DENND5A: variants seen among roughly 807,000 people sequenced by gnomAD.
DENND5A encodes the protein DENN domain containing 5A, also known as DENN domain-containing protein 5A.
DENND5A carries 64 observed loss-of-function variants against 140.3 expected under a neutral mutation model. That is an observed-to-expected ratio of 0.46 (90% CI 0.37 to 0.56). The LOEUF (loss-of-function observed/expected upper bound fraction) is 0.56. DENND5A is among the 20% of genes least tolerant of loss of function. DENND5A has a pLI of 0.00. For synonymous variants in DENND5A, 605 were observed against 607.7 expected (o/e 1.00, Z 0.07); for missense variants, 1,292 against 1,593.8 (o/e 0.81, Z 3.22).
intron 5 of DENND5A, among the ~76,000 whole-genome samples, chr11:9,186,992 G>A (rs933467797): frequency 3.9e-5 from 6 of 152,140 alleles, no homozygotes; most frequent in Non-Finnish European, 5.9e-5. Context: ...ACTGAGGCAG[G>A]AAAATTGCTT....
intron 4 of DENND5A, among the ~76,000 whole-genome samples, chr11:9,203,246 C>A (rs775639138): frequency 2.6e-5 from 4 of 152,218 alleles, no homozygotes; most frequent in Non-Finnish European, 5.9e-5. Flanking sequence ...AGATGCAACA[C>A]ATCCACATTT....
At chr11:9,229,945 C>A (rs1176376917) in intron 1 of DENND5A, among the ~76,000 whole-genome samples, 1 of 136,460 alleles carries the variant, frequency 7.3e-6, no homozygotes, top group Non-Finnish European at 1.5e-5. Flanking sequence ...TGCTCTGTCA[C>A]CCAGGCTAGA....
chr11:9,234,878 ATC>A (rs972956918), intron 1 of DENND5A, among the ~76,000 whole-genome samples: 2 of 152,044 alleles, frequency 1.3e-5, no homozygotes, highest in Admixed American at 1.3e-4. Flanking sequence ...GCGCGGGTAA[ATC>A]TCTGTTCAAG....
intron 4 of DENND5A, among the ~76,000 whole-genome samples, chr11:9,199,631 C>T (rs965732367): frequency 6.6e-6 from 1 of 152,148 alleles, no homozygotes; most frequent in African/African-American, 2.4e-5. Flanking sequence ...GAAAACACTG[C>T]TTAAAACTGC....
chr11:9,255,104 A>G (rs1388994147), intron 1 of DENND5A, among the ~76,000 whole-genome samples: 1 of 146,674 alleles, frequency 6.8e-6, no homozygotes, highest in Non-Finnish European at 1.5e-5. Context: ...TAAAATAATA[A>G]AAATAAAAAT....
chr11:9,162,908 T>G (rs868789274), intron 11 of DENND5A, among the ~76,000 whole-genome samples: 2 of 151,386 alleles, frequency 1.3e-5, no homozygotes, highest in Non-Finnish European at 2.9e-5. Flanking sequence ...CTCAGCATGT[T>G]GCCCTGGCTG....
intron 5 of DENND5A, among the ~76,000 whole-genome samples, chr11:9,189,717 T>G (rs534919245): frequency 4.9e-4 from 74 of 151,706 alleles, no homozygotes; most frequent in African/African-American, 1.6e-3. Context: ...CTCAGCTCAC[T>G]GCAACCTCCA....
Position 9,188,048 on chromosome 11 carries a change from T to C in DENND5A, c.1137+5446A>G, listed in dbSNP as rs149309830. Among the ~76,000 whole-genome samples, 342 of 152,184 alleles carry C rather than the reference T, an allele frequency of 2.2e-3. 1 individual carries two copies. Among genetic ancestry groups the C allele is most frequent in the African/African-American group, 7.9e-3 (328 of 41,496 alleles). ...TAAATTTCCCCAGCCCTGCCGGATA[T>C]GGTTTGGCTGTGTCCCCACCCAAAT... On this transcript the variant is annotated intron_variant, in intron 5 of 22. Coordinates refer to ENST00000328194, the MANE Select transcript of DENND5A (RefSeq NM_015213.4).
intron 1 of DENND5A, among the ~76,000 whole-genome samples, chr11:9,245,981 A>C (rs1851454296): frequency 6.6e-6 from 1 of 152,154 alleles, no homozygotes; most frequent in Non-Finnish European, 1.5e-5. Flanking sequence ...CACCTACTAC[A>C]TAAAGTACGT....
chr11:9,229,284 A>G (rs1850663047), intron 1 of DENND5A, among the ~76,000 whole-genome samples: 1 of 152,110 alleles, frequency 6.6e-6, no homozygotes, highest in Admixed American at 6.6e-5. Flanking sequence ...GACCTTGGCC[A>G]AGTTACAAAT....
intron 5 of DENND5A, among the ~76,000 whole-genome samples, chr11:9,191,768 G>C (rs1180508994): frequency 6.6e-6 from 1 of 152,192 alleles, no homozygotes; most frequent in Non-Finnish European, 1.5e-5. Context: ...ATGTATTAAA[G>C]TATGCACATA....
At chr11:9,232,056 C>G (rs1483501540) in intron 1 of DENND5A, among the ~76,000 whole-genome samples, 1 of 151,754 alleles carries the variant, frequency 6.6e-6, no homozygotes, top group Non-Finnish European at 1.5e-5. Flanking sequence ...TTTTTTCAGG[C>G]AGTACAGAGT....
At chr11:9,212,062 A>G (rs1339935489) in intron 1 of DENND5A, among the ~76,000 whole-genome samples, 1 of 152,172 alleles carries the variant, frequency 6.6e-6, no homozygotes, top group Non-Finnish European at 1.5e-5. Flanking sequence ...TTATCCAATC[A>G]GAAATACAGA....
chr11:9,180,908 C>T lies in DENND5A; in HGVS notation c.1314G>A (p.Leu438=). ...TGTCCGAGACAAGCTCAGAGGCCCG[C>T]AGCCTCTTCAGCTTGGAGGCACTCT... The part of the protein sequence containing the change: ...CSESASKLKR[L]RASELVSDKR... Residue 438 remains leucine, a synonymous_variant, in exon 6 of 23, where the codon CTG becomes CTA. Coordinates refer to ENST00000328194, the MANE Select transcript of DENND5A (RefSeq NM_015213.4). The T allele has an allele frequency of 6.2e-7, 1 of 1,614,208 alleles. No homozygotes were observed. Among genetic ancestry groups the T allele is most frequent in the South Asian group, 1.1e-5 (1 of 91,084 alleles).
chr11:9,251,112 G>A (rs1414218821), intron 1 of DENND5A, among the ~76,000 whole-genome samples: 2 of 147,350 alleles, frequency 1.4e-5, no homozygotes, highest in Non-Finnish European at 3.0e-5. Flanking sequence ...TCCAGCCTGG[G>A]CAAGAGAGTG....
At chr11:9,225,603 T>C (rs1036116778) in intron 1 of DENND5A, among the ~76,000 whole-genome samples, 15 of 151,784 alleles carry the variant, frequency 9.9e-5, no homozygotes, top group South Asian at 4.2e-4. Context: ...CTACTAAAAA[T>C]ACAAAAAAAA....
intron 1 of DENND5A, among the ~76,000 whole-genome samples, chr11:9,210,497 G>T (rs951376254): frequency 6.6e-6 from 1 of 152,102 alleles, no homozygotes; most frequent in Non-Finnish European, 1.5e-5. Context: ...CTTCTAATAG[G>T]TTTTTTATCT....
At chr11:9,254,645 C>T (rs1851868091) in intron 1 of DENND5A, among the ~76,000 whole-genome samples, 1 of 152,098 alleles carries the variant, frequency 6.6e-6, no homozygotes, top group Non-Finnish European at 1.5e-5. Flanking sequence ...ATCAACCAGC[C>T]CAGTAGAGGA....
At chr11:9,231,314 GCTA>G (rs1203238989) in intron 1 of DENND5A, among the ~76,000 whole-genome samples, 2 of 152,170 alleles carry the variant, frequency 1.3e-5, no homozygotes, top group South Asian at 2.1e-4. Context: ...AGCAAACGTG[GCTA>G]TACTAAGAAC....
Sources: gnomAD v4.1 joint callset for allele counts (sites outside exome capture counted in the v4.1 genomes callset) on GRCh38, gnomAD v4.1.1 for gene constraint, MANE v1.5 for transcripts, NCBI Gene and HGNC (gene_info 2026-07-23, HGNC 2026-07-21) for gene names.